The following ARHGAP39 variants were observed in gnomAD, a reference collection of about 807,000 sequenced individuals.
ARHGAP39 encodes rho GTPase-activating protein 39.
In ARHGAP39, 44 loss-of-function variants were observed where a neutral mutation model predicts 106.9. The ratio of observed to expected loss-of-function variants is 0.41; its 90% CI spans 0.32 to 0.53. The LOEUF (loss-of-function observed/expected upper bound fraction) is 0.53. Ranked by LOEUF, ARHGAP39 falls within the 20% of genes least tolerant of loss-of-function variation. The pLI is 0.21. For synonymous variants in ARHGAP39, 768 were observed against 693.2 expected, an observed-to-expected ratio of 1.11 and a Z score of -1.69; for missense variants, 1,496 against 1,577.3, an observed-to-expected ratio of 0.95 and a Z score of 0.87.
intron 1 of ARHGAP39, among the ~76,000 whole-genome samples, chr8:144,654,003 T>C (rs941591478): frequency 6.6e-5 from 10 of 152,184 alleles, no homozygotes; most frequent in Admixed American, 2.6e-4. Context: ...CACGGCTGTC[T>C]GGACTGCCGG....
At chr8:144,562,697 G>GACTC (rs1207975984) in intron 3 of ARHGAP39, among the ~76,000 whole-genome samples, 3 of 132,368 alleles carry the variant, frequency 2.3e-5, no homozygotes, top group Non-Finnish European at 3.1e-5. Flanking sequence ...GTTTCCATCG[G>GACTC]ACTCCAGTGG....
At chr8:144,643,945 A>G (rs534690928) in intron 1 of ARHGAP39, among the ~76,000 whole-genome samples, 1 of 152,354 alleles carries the variant, frequency 6.6e-6, no homozygotes, top group East Asian at 1.9e-4. Flanking sequence ...AATAAGTCAC[A>G]CAAAAGTGTT....
At position 144,628,913 on chromosome 8, in the gene ARHGAP39, C is replaced by T. The variant is rs548057126; in HGVS notation, c.-81-23218G>A. ...GTCTCCCACCACCGAAATCCAGCTT[C>T]GCATTGCCGCACCCCATCACTTTTG... On this transcript the variant is annotated intron_variant, in intron 1 of 11. Coordinates refer to ENST00000377307, the MANE Select transcript of ARHGAP39 (RefSeq NM_025251.3). 8.5e-4 allele frequency among the ~76,000 whole-genome samples: 130 copies of T among 152,316 alleles called. 1 individual carries two copies. The highest frequency in any genetic ancestry group is 2.7e-3 in the African/African-American group (111 of 41,564).
At chr8:144,594,601 G>A (rs1819527822) in intron 2 of ARHGAP39, among the ~76,000 whole-genome samples, 1 of 151,970 alleles carries the variant, frequency 6.6e-6, no homozygotes, top group Non-Finnish European at 1.5e-5. Flanking sequence ...GGCTGAGGAA[G>A]GAGAATCGCT....
In ARHGAP39 at chr8:144,548,211, G is replaced by A. The variant is rs765548488; in HGVS notation, c.875C>T (p.Pro292Leu). The change falls in exon 5 of 12, where the codon CCC (proline) becomes CTC (leucine). Residue 292 changes from proline to leucine, a missense_variant. Physicochemically the swap from Pro to Leu is moderately conservative, Grantham distance 98. Around this residue, in one of 4 missense-constraint regions of ARHGAP39, gnomAD observed 905 missense variants for 816.4 expected, o/e 1.11. Transcript: ENST00000377307. This position sits in a 1 kb window ranked among gnomAD's most constrained non-coding sequence, Gnocchi z 7.4. ...PGSSSPLLAQ[P>L]RKPSGDSQPS... ...CTGCGAGTCCCCGGAGGGCTTTCGG[G>A]GCTGGGCCAGCAGCGGGGAGCTGCT... 6 of 1,600,088 alleles carry A rather than the reference G, an allele frequency of 3.7e-6. No individual in the cohort carries two copies. The African/African-American group carries it at 8.1e-5, about 21-fold the overall frequency.
At chr8:144,651,188 C>T (rs764596448) in intron 1 of ARHGAP39, among the ~76,000 whole-genome samples, 2 of 152,066 alleles carry the variant, frequency 1.3e-5, no homozygotes, top group Non-Finnish European at 2.9e-5. Context: ...CCTAGGAATA[C>T]AGCTAACCAG....
intron 1 of ARHGAP39, among the ~76,000 whole-genome samples, chr8:144,607,228 A>T (rs1425896319): frequency 7.6e-6 from 1 of 131,010 alleles, no homozygotes; most frequent in Non-Finnish European, 1.6e-5. Flanking sequence ...AGAGCGAGAC[A>T]TTGTCTCAAA....
In ARHGAP39 at chr8:144,530,351, C is replaced by G. The variant is rs925742475; in HGVS notation, c.*71G>C. On this transcript the variant is annotated 3_prime_UTR_variant, in exon 12 of 12. Coordinates refer to ENST00000377307, the MANE Select transcript of ARHGAP39 (RefSeq NM_025251.3). ...GGCCGGGCGATTCTGGCCCCTCTGC[C>G]GGGAGAGCGAGTGCGGAGTTCGGCC... 4 of 1,482,140 alleles carry G rather than the reference C, an allele frequency of 2.7e-6. No individual in the cohort carries two copies. In the African/African-American group the frequency reaches 4.2e-5, roughly 15 times the overall value. 91.8% of individuals were successfully genotyped at this position (1,482,140 alleles called of 1,614,324 possible).
At chr8:144,574,720 G>A (rs1818711261) in intron 3 of ARHGAP39, among the ~76,000 whole-genome samples, 1 of 152,214 alleles carries the variant, frequency 6.6e-6, no homozygotes, top group South Asian at 2.1e-4. Flanking sequence ...TTAGTTTGGT[G>A]TGGTGGTGTA....
intron 2 of ARHGAP39, among the ~76,000 whole-genome samples, chr8:144,588,295 G>C (rs1247271020): frequency 1.3e-5 from 2 of 152,266 alleles, no homozygotes; most frequent in Non-Finnish European, 2.9e-5. Context: ...GGGGCCTGCA[G>C]GCTGTGCGCT....
intron 2 of ARHGAP39, among the ~76,000 whole-genome samples, chr8:144,595,388 A>G (rs1819581294): frequency 6.6e-6 from 1 of 152,164 alleles, no homozygotes; most frequent in African/African-American, 2.4e-5. Flanking sequence ...CCCACAGGAC[A>G]CAAAGCCGGC....
At chr8:144,660,835 T>C (rs1821803283) in intron 1 of ARHGAP39, among the ~76,000 whole-genome samples, 1 of 151,960 alleles carries the variant, frequency 6.6e-6, no homozygotes, top group African/African-American at 2.4e-5. Flanking sequence ...CAAAAAAAAC[T>C]TAGCTGAGAG....
rs1822345388 is a variant in ARHGAP39 at position 144,679,799 on chromosome 8, T to A, written c.-82+5887A>T. Reference sequence around the variant, plus strand: ...ATCGAGACCATCCTGGCTAACACAGTGAAACCCCGTGTCTACTAAAAACAC... The same window carrying A: ...ATCGAGACCATCCTGGCTAACACAGAGAAACCCCGTGTCTACTAAAAACAC... On this transcript the variant is annotated intron_variant, in intron 1 of 11. Transcript: ENST00000377307. The surrounding 1 kb of genome is among the most constrained non-coding windows in gnomAD (Gnocchi z 4.7). Among the ~76,000 whole-genome samples the A allele has an allele frequency of 6.6e-6, 1 of 152,052 alleles. No individual in the cohort carries two copies. Among genetic ancestry groups the A allele is most frequent in the Non-Finnish European group, 1.5e-5 (1 of 68,028 alleles).
intron 3 of ARHGAP39, among the ~76,000 whole-genome samples, chr8:144,557,577 A>C (rs943802922): frequency 1.5e-5 from 2 of 131,640 alleles, no homozygotes; most frequent in African/African-American, 5.5e-5. Flanking sequence ...ATTCAGCGGC[A>C]AAAGGCTGAA....
At chr8:144,635,011 A>T (rs1821140846) in intron 1 of ARHGAP39, among the ~76,000 whole-genome samples, 1 of 152,284 alleles carries the variant, frequency 6.6e-6, no homozygotes, top group Non-Finnish European at 1.5e-5. Flanking sequence ...TCAGGGAAAC[A>T]TTCTCGAATC....
chr8:144,561,807 CTTTCCATCACATCCCAGTGG>C (rs1668821575), intron 3 of ARHGAP39, among the ~76,000 whole-genome samples: 1 of 131,870 alleles, frequency 7.6e-6, no homozygotes, highest in Admixed American at 7.6e-5. Context: ...GACCCCAGTG[CTTTCCATCACATCCCAGTGG>C]TTTCCATCGG....
chr8:144,548,435 G>T lies in ARHGAP39; in HGVS notation c.651C>A (p.Val217=), dbSNP rs761101090. Residue 217 remains valine, a synonymous_variant, in exon 5 of 12, where the codon GTC becomes GTA. Coordinates refer to ENST00000377307, the MANE Select transcript of ARHGAP39 (RefSeq NM_025251.3). This position sits in a 1 kb window ranked among gnomAD's most constrained non-coding sequence, Gnocchi z 7.4. ...CGAGGAAGCTGGGCTCCCGATCAGCGACCTTGATGAGCATGCGCTCTTTGG... is the reference window on the plus strand; with the variant it reads ...CGAGGAAGCTGGGCTCCCGATCAGCTACCTTGATGAGCATGCGCTCTTTGG... ...SGAKERMLIK[V]ADREPSFLAA... is the part of the protein sequence containing the mutation. The T allele has an allele frequency of 1.2e-5, 19 of 1,610,660 alleles. No individual in the cohort carries two copies. In the Admixed American group the frequency reaches 3.0e-4, roughly 25 times the overall value.
At chr8:144,534,238 G>C (rs778729119) in intron 7 of ARHGAP39, 36 bp from the exon 8 acceptor site, 1 of 1,607,408 alleles carries the variant, frequency 6.2e-7, no homozygotes, top group East Asian at 2.2e-5. Flanking sequence ...CCTGATGTGG[G>C]TGTGTGGGTG....
intron 1 of ARHGAP39, among the ~76,000 whole-genome samples, chr8:144,608,345 A>G (rs1030307885): frequency 1.3e-5 from 2 of 152,136 alleles, no homozygotes; most frequent in African/African-American, 4.8e-5. Context: ...AGCCACCTTG[A>G]CCAACTCCTT....
Sources: gnomAD v4.1 joint callset for allele counts (sites outside exome capture counted in the v4.1 genomes callset) on GRCh38, gnomAD v4.1.1 for gene constraint, gnomAD v4.1.1 regional missense constraint, Gnocchi (gnomAD v3.1) non-coding constraint, MANE v1.5 for transcripts, NCBI Gene and HGNC (gene_info 2026-07-23, HGNC 2026-07-21) for gene names.